Variants in FOXN3 observed in about 807,000 individuals in gnomAD.
FOXN3 encodes the protein forkhead box N3.
In FOXN3, 7 loss-of-function variants were observed where a neutral mutation model predicts 38.4. That is an observed-to-expected ratio of 0.18 (90% confidence interval 0.10 to 0.34). The LOEUF (loss-of-function observed/expected upper bound fraction) is 0.34, where lower values mean the gene tolerates loss of function less well. Among genes scored for constraint, FOXN3 ranks in the 10% least tolerant of loss-of-function variants. FOXN3 has a pLI of 1.00. For missense variants in FOXN3, 456 were observed against 613.4 expected, an observed-to-expected ratio of 0.74 and a Z score of 2.71; for synonymous variants, 230 against 242.2, an observed-to-expected ratio of 0.95 and a Z score of 0.47.
chr14:89,160,727 T>G lies in FOXN3; in HGVS notation c.*1687A>C, dbSNP rs545677812. 1.3e-5 allele frequency: 2 copies of G among 152,596 alleles called. No homozygotes were observed. Among genetic ancestry groups the G allele is most frequent in the South Asian group, 2.1e-4 (1 of 4,826 alleles). The allele number at this position is 152,596 out of a possible 1,614,324, so 9.5% of individuals were successfully genotyped here. A position where few individuals can be genotyped will look rare whatever the true frequency, so the allele number is the denominator to read the frequency against. Reference sequence around the variant, plus strand: ...GAATCAGAGGGGGTCGGGGCTGAAGTGCACACAAGGCAGTACAGAGTTCAA... The same window carrying G: ...GAATCAGAGGGGGTCGGGGCTGAAGGGCACACAAGGCAGTACAGAGTTCAA... On this transcript the variant is annotated 3_prime_UTR_variant, in exon 6 of 6. Transcript: ENST00000557258.
At chr14:89,220,606 T>C (rs1486886560) in intron 4 of FOXN3, among the ~76,000 whole-genome samples, 2 of 152,174 alleles carry the variant, frequency 1.3e-5, no homozygotes, top group African/African-American at 2.4e-5. Context: ...TGTGTATTCA[T>C]GGGCTGGATC....
intron 1 of FOXN3, among the ~76,000 whole-genome samples, chr14:89,558,597 G>A (rs1333652495): frequency 1.3e-5 from 2 of 152,248 alleles, no homozygotes; most frequent in African/African-American, 4.8e-5. Context: ...GAGACTCAAG[G>A]TCAAGACTGG....
At chr14:89,171,381 T>C (rs1185139022) in intron 5 of FOXN3, among the ~76,000 whole-genome samples, 1 of 152,204 alleles carries the variant, frequency 6.6e-6, no homozygotes, top group East Asian at 1.9e-4. Context: ...TTTCCAGTCT[T>C]AGATAAACTC....
intron 1 of FOXN3, among the ~76,000 whole-genome samples, chr14:89,426,552 A>G (rs566502140): frequency 2.5e-4 from 38 of 151,986 alleles, no homozygotes; most frequent in Non-Finnish European, 5.1e-4. Flanking sequence ...TTACAGGTAA[A>G]TTTTAGCAAG....
chr14:89,484,069 T>A lies in FOXN3; in HGVS notation c.-14-71579A>T, dbSNP rs1217837823. Reference sequence around the variant, plus strand: ...TCTTACAGACAACCCTAAGACGAAATGGCCTCATGTTGCATCTAGGTTTTA... The same window carrying A: ...TCTTACAGACAACCCTAAGACGAAAAGGCCTCATGTTGCATCTAGGTTTTA... On this transcript the variant is annotated intron_variant, in intron 1 of 6. Coordinates refer to the FOXN3 transcript ENST00000345097. The surrounding 1 kb of genome is among the most constrained non-coding windows in gnomAD (Gnocchi z 4.0). 6.6e-6 allele frequency among the ~76,000 whole-genome samples: 1 copy of A among 152,196 alleles called. No individual in the cohort carries two copies. The highest frequency in any genetic ancestry group is 1.5e-5 in the Non-Finnish European group (1 of 68,024).
intron 1 of FOXN3, among the ~76,000 whole-genome samples, chr14:89,524,422 A>G (rs550920017): frequency 6.7e-6 from 1 of 148,716 alleles, no homozygotes; most frequent in African/African-American, 2.4e-5. Context: ...GAAACTAGAA[A>G]AAGAACTGCA....
chr14:89,506,186 C>CGGGA, intron 1 of FOXN3, among the ~76,000 whole-genome samples: 1 of 66,998 alleles, frequency 1.5e-5, no homozygotes, highest in Non-Finnish European at 4.5e-5. Flanking sequence ...CTGCCCCGTC[C>CGGGA]GGGCGGTGAG....
chr14:89,281,701 A>C (rs1303114912), intron 3 of FOXN3, among the ~76,000 whole-genome samples: 1 of 152,198 alleles, frequency 6.6e-6, no homozygotes, highest in African/African-American at 2.4e-5. Context: ...TCACTGTTTT[A>C]AGACAGCCAG....
At chr14:89,527,042 TAGGGA>T (rs1596307879) in intron 1 of FOXN3, among the ~76,000 whole-genome samples, 3 of 128,530 alleles carry the variant, frequency 2.3e-5, no homozygotes, top group South Asian at 2.5e-4. Flanking sequence ...GAAAGGAGGA[TAGGGA>T]GGGGAGGAGA....
chr14:89,464,920 A>T (rs1313070929), intron 1 of FOXN3, among the ~76,000 whole-genome samples: 2 of 152,092 alleles, frequency 1.3e-5, no homozygotes, highest in African/African-American at 4.8e-5. Flanking sequence ...CTGGTCTCGA[A>T]CACCTGACCT....
intron 1 of FOXN3, among the ~76,000 whole-genome samples, chr14:89,583,276 G>T (rs1895780833): frequency 6.6e-6 from 1 of 152,190 alleles, no homozygotes. Flanking sequence ...CCCCAATGCA[G>T]CATTGTTGAG....
At chr14:89,406,455 G>A (rs1217867716) in intron 2 of FOXN3, among the ~76,000 whole-genome samples, 1 of 152,004 alleles carries the variant, frequency 6.6e-6, no homozygotes, top group Non-Finnish European at 1.5e-5. Flanking sequence ...AAGTTGGAAG[G>A]AATTAGGTTC....
chr14:89,348,229 T>G (rs1279951826), intron 3 of FOXN3, among the ~76,000 whole-genome samples: 2 of 152,018 alleles, frequency 1.3e-5, no homozygotes, highest in Non-Finnish European at 2.9e-5. Context: ...CTCACAGCGA[T>G]CCAGCAAGGG....
Position 89,596,950 on chromosome 14 carries a change from C to T in FOXN3, c.-15+22078G>A, listed in dbSNP as rs543917066. On this transcript the variant is annotated intron_variant, in intron 1 of 6. Transcript: ENST00000345097. ...TATTAGTCCTTTGGCTCTGTTGATT[C>T]TCCCCCCATTTCATTACCTTTTATC... Among the ~76,000 whole-genome samples, 21 of 151,966 alleles carry T rather than the reference C, an allele frequency of 1.4e-4. No homozygotes were observed. The East Asian group carries it at 2.9e-3, about 21-fold the overall frequency.
At chr14:89,431,298 TGAACCGGGTTCAAGTG>T (rs1034757782) in intron 1 of FOXN3, among the ~76,000 whole-genome samples, 15 of 152,108 alleles carry the variant, frequency 9.9e-5, no homozygotes, top group African/African-American at 3.6e-4. Flanking sequence ...CAGCTTCACT[TGAACCGGGTTCAAGTG>T]ATTCTCCTGC....
rs970704262 is a variant in FOXN3, at chr14:89,158,490, T to C, written c.*3924A>G. ...AGACCTGCCACAATCGTTTTGGCCA[T>C]GGTTTTCTCCAACCACCAGTGAAAT... On this transcript the variant is annotated 3_prime_UTR_variant, in exon 6 of 6. Coordinates refer to ENST00000557258, the MANE Select transcript of FOXN3 (RefSeq NM_005197.4). The C allele has an allele frequency of 7.9e-5, 12 of 152,668 alleles. No homozygotes were observed. The highest frequency in any genetic ancestry group is 1.6e-4 in the Non-Finnish European group (11 of 68,050). 9.5% of individuals were successfully genotyped at this position (152,668 alleles called of 1,614,324 possible).
At chr14:89,305,619 G>A (rs1048863305) in intron 3 of FOXN3, among the ~76,000 whole-genome samples, 2 of 152,162 alleles carry the variant, frequency 1.3e-5, no homozygotes, top group Admixed American at 6.5e-5. Context: ...CTAATACCAC[G>A]ATTAGCTGTT....
intron 4 of FOXN3, among the ~76,000 whole-genome samples, chr14:89,223,679 G>A (rs961776729): frequency 2.6e-5 from 4 of 152,194 alleles, no homozygotes; most frequent in South Asian, 2.1e-4. Context: ...GAGGTGGGCC[G>A]GGTGCGGCGC....
At chr14:89,220,537 C>T (rs867752515) in intron 4 of FOXN3, among the ~76,000 whole-genome samples, 13 of 152,172 alleles carry the variant, frequency 8.5e-5, no homozygotes, top group African/African-American at 2.9e-4. Flanking sequence ...AATACACACA[C>T]GGCTCTTTCC....
Sources: gnomAD v4.1 joint callset for allele counts (sites outside exome capture counted in the v4.1 genomes callset) on GRCh38, gnomAD v4.1.1 for gene constraint, Gnocchi (gnomAD v3.1) non-coding constraint, MANE v1.5 for transcripts, NCBI Gene and HGNC (gene_info 2026-07-23, HGNC 2026-07-21) for gene names.